Variants in GRK2 observed in about 807,000 individuals in gnomAD.
GRK2 encodes adrenergic beta receptor kinase 1.
In GRK2, 23 loss-of-function variants were observed where a neutral mutation model predicts 97.8. That is an observed-to-expected ratio of 0.24 (90% CI 0.17 to 0.33). GRK2 has a LOEUF of 0.33. GRK2 is among the 10% of genes least tolerant of loss of function. The pLI, the probability that GRK2 is intolerant of heterozygous loss-of-function variation, is 1.00. For synonymous variants in GRK2, 425 were observed against 381.7 expected (o/e 1.11, Z -1.32); for missense variants, 633 against 956.9 (o/e 0.66, Z 4.47).
chr11:67,270,718 C>T (rs755245375), intron 1 of GRK2, among the ~76,000 whole-genome samples: 2 of 152,226 alleles, frequency 1.3e-5, no homozygotes, highest in South Asian at 2.1e-4. Context: ...GAAGCACCGC[C>T]GTTCCCCAGG....
chr11:67,284,730 A>C lies in GRK2; in HGVS notation c.1655-117A>C. 5.2e-6 allele frequency: 7 copies of C among 1,350,978 alleles called. No individual in the cohort carries two copies. The South Asian group carries it at 1.0e-4, about 19-fold the overall frequency. 83.7% of individuals were successfully genotyped at this position (1,350,978 alleles called of 1,614,324 possible). On this transcript the variant is annotated intron_variant, in intron 18 of 20. Coordinates refer to ENST00000308595, the MANE Select transcript of GRK2 (RefSeq NM_001619.5). ...TTTGAACCTGGGAGGTGGAGGTTGC[A>C]GTGAGCCAAGATTGTGCCACAGCCC...
At chr11:67,284,176 C>T in intron 17 of GRK2, 35 bp from the exon 18 acceptor site, 1 of 1,611,474 alleles carries the variant, frequency 6.2e-7, no homozygotes, top group Non-Finnish European at 8.5e-7. Flanking sequence ...CATCTCTGTC[C>T]ACCCATGTGC....
chr11:67,279,633 C>G lies in GRK2; in HGVS notation c.374C>G (p.Ser125Trp), dbSNP rs765062789. 6.2e-7 allele frequency: 1 copy of G among 1,613,470 alleles called. No homozygotes were observed. Among genetic ancestry groups the G allele is most frequent in the Non-Finnish European group, 8.5e-7 (1 of 1,179,994 alleles). ...CACCTCTGTCTTCCCCAGCCCTTCT[C>G]GAAGAGTGCCACTGAGCATGTCCAA... ...KELLACSHPFSKSATEHVQGH... is the reference protein window; with the variant it reads ...KELLACSHPFWKSATEHVQGH... The change falls in exon 5 of 21, where the codon TCG becomes TGG. Residue 125 changes from serine (S) to tryptophan (W), a missense_variant. Physicochemically the swap from Ser to Trp is radical, Grantham distance 177. Transcript: ENST00000308595.
chr11:67,282,157 C>T lies in GRK2; in HGVS notation c.958-114C>T. On this transcript the variant is annotated intron_variant, in intron 11 of 20. Coordinates refer to ENST00000308595, the MANE Select transcript of GRK2 (RefSeq NM_001619.5). The surrounding 1 kb of genome is among the most constrained non-coding windows in gnomAD (Gnocchi z 6.9). The stretch of plus-strand genomic sequence containing the variant: ...CAGGAGAGAGGACCCCCACCTTTGC[C>T]CTTTCTTTGGGTACCCATCGTCCTC... 8.0e-7 allele frequency: 1 copy of T among 1,254,162 alleles called. No homozygotes were observed. Among genetic ancestry groups the T allele is most frequent in the Non-Finnish European group, 1.1e-6 (1 of 882,696 alleles). The allele number at this position is 1,254,162 out of a possible 1,614,324, so 77.7% of individuals were successfully genotyped here. A position where few individuals can be genotyped will look rare whatever the true frequency, so the allele number is the denominator to read the frequency against.
rs780679941 is a variant in GRK2, at chr11:67,281,885, A to G, written c.890A>G (p.Tyr297Cys). Residue 297 changes from tyrosine to cysteine, a missense_variant, in exon 11 of 21, where the codon TAT (tyrosine) becomes TGT (cysteine). This residue lies in a region of GRK2 where 192 missense variants were observed against 362.3 expected (regional missense o/e 0.53). Transcript: ENST00000308595. The surrounding 1 kb of genome is among the most constrained non-coding windows in gnomAD (Gnocchi z 5.7). ...TTCTCAGAGGCTGACATGCGCTTCTATGCGGCCGAGATCATCCTGGGCCTG... is the reference window on the plus strand; with the variant it reads ...TTCTCAGAGGCTGACATGCGCTTCTGTGCGGCCGAGATCATCCTGGGCCTG... ...GVFSEADMRF[Y>C]AAEIILGLEH... 4 of 1,613,500 alleles carry G rather than the reference A, an allele frequency of 2.5e-6. No homozygotes were observed. The highest frequency in any genetic ancestry group is 1.1e-5 in the South Asian group (1 of 91,072).
chr11:67,282,029 C>T lies in GRK2; in HGVS notation c.957+77C>T. On this transcript the variant is annotated intron_variant, in intron 11 of 20. Transcript: ENST00000308595. The surrounding 1 kb of genome is among the most constrained non-coding windows in gnomAD (Gnocchi z 6.9). Reference sequence around the variant, plus strand: ...CCTCTCGACATCCCGGCCACCAGGCCCAGAGGAGTGGGGCTCCTGGGACAT... The same window carrying T: ...CCTCTCGACATCCCGGCCACCAGGCTCAGAGGAGTGGGGCTCCTGGGACAT... The T allele has an allele frequency of 6.3e-7, 1 of 1,586,830 alleles. No homozygotes were observed. The highest frequency in any genetic ancestry group is 8.6e-7 in the Non-Finnish European group (1 of 1,161,768).
chr11:67,280,854 G>C (rs914247152), intron 7 of GRK2, 71 bp downstream of exon 7: 37 of 1,572,162 alleles, frequency 2.4e-5, no homozygotes, highest in Non-Finnish European at 3.0e-5. Context: ...TGGGCCTGTG[G>C]CTTGGCTGGG....
At chr11:67,275,071 G>A (rs959922200) in intron 1 of GRK2, among the ~76,000 whole-genome samples, 4 of 152,186 alleles carry the variant, frequency 2.6e-5, no homozygotes, top group African/African-American at 9.7e-5. Context: ...AAGAGGCCGC[G>A]GCCCCTCCCA....
chr11:67,284,187 C>T (rs768508461), intron 17 of GRK2, 24 bp from the exon 18 acceptor site: 2 of 1,613,312 alleles, frequency 1.2e-6, no homozygotes, highest in East Asian at 4.5e-5. Flanking sequence ...ACCCATGTGC[C>T]CCTGCCCCAT....
chr11:67,286,054 A>G lies in GRK2; in HGVS notation c.*604A>G. The stretch of plus-strand genomic sequence containing the variant: ...CCTGACACTGCGGGGCTTGGCTGAG[A>G]GAGTGGCATTGGCAGCAGGTGCTGC... On this transcript the variant is annotated 3_prime_UTR_variant, in exon 21 of 21. Coordinates refer to ENST00000308595, the MANE Select transcript of GRK2 (RefSeq NM_001619.5). 3.4e-6 allele frequency: 1 copy of G among 296,370 alleles called. No individual in the cohort carries two copies. Among genetic ancestry groups the G allele is most frequent in the Non-Finnish European group, 6.3e-6 (1 of 157,618 alleles). 18.4% of individuals were successfully genotyped at this position (296,370 alleles called of 1,614,324 possible). A position where few individuals can be genotyped will look rare whatever the true frequency, so the allele number is the denominator to read the frequency against.
Position 67,284,319 on chromosome 11 carries a change from G to A in GRK2, c.1600G>A (p.Asp534Asn). The change falls in exon 18 of 21, where the codon GAC becomes AAC. Residue 534 changes from aspartate (D) to asparagine (N), a missense_variant. This residue lies in a region of GRK2 where 180 missense variants were observed against 311.3 expected (regional missense o/e 0.58). Coordinates refer to ENST00000308595, the MANE Select transcript of GRK2 (RefSeq NM_001619.5). ...CTTCGACACCATCAACGCTGAGACA[G>A]ACCGGCTGGAGGCTCGCAAGAAAGC... is the stretch of plus-strand genomic sequence containing the variant. ...TVFDTINAETDRLEARKKAKN... is the reference protein window; with the variant it reads ...TVFDTINAETNRLEARKKAKN... 1 of 1,613,284 alleles carries A rather than the reference G, an allele frequency of 6.2e-7. No individual in the cohort carries two copies. The highest frequency in any genetic ancestry group is 1.1e-5 in the South Asian group (1 of 91,084).
In GRK2 at chr11:67,279,075, G is replaced by A. The variant is rs537748593; in HGVS notation, c.191-125G>A. 5 of 777,452 alleles carry A rather than the reference G, an allele frequency of 6.4e-6. No homozygotes were observed. The African/African-American group carries it at 6.8e-5, about 11-fold the overall frequency. The allele number at this position is 777,452 out of a possible 1,614,324, so 48.2% of individuals were successfully genotyped here. On this transcript the variant is annotated intron_variant, in intron 2 of 20. Coordinates refer to ENST00000308595, the MANE Select transcript of GRK2 (RefSeq NM_001619.5). ...GCTGCCTGGCCCACCCCTTGCCTGGGGCCGAGACCACCTTTGCCACCTCCA... is the reference window on the plus strand; with the variant it reads ...GCTGCCTGGCCCACCCCTTGCCTGGAGCCGAGACCACCTTTGCCACCTCCA...
At position 67,285,989 on chromosome 11, in the gene GRK2, G is replaced by T. The variant is rs1021410827; in HGVS notation, c.*539G>T. 3 of 252,910 alleles carry T rather than the reference G, an allele frequency of 1.2e-5. No homozygotes were observed. Among genetic ancestry groups the T allele is most frequent in the Non-Finnish European group, 2.3e-5 (3 of 129,998 alleles). 15.7% of individuals were successfully genotyped at this position (252,910 alleles called of 1,614,324 possible). Reference sequence around the variant, plus strand: ...CTCGGGCTCCTGTGCCCTTATTCAGGAAAAGCCTCTGTGTCACTGGCTGCC... The same window carrying T: ...CTCGGGCTCCTGTGCCCTTATTCAGTAAAAGCCTCTGTGTCACTGGCTGCC... On this transcript the variant is annotated 3_prime_UTR_variant, in exon 21 of 21. Transcript: ENST00000308595.
chr11:67,283,356 C>T (rs1053733516), intron 15 of GRK2, 128 bp downstream of exon 15: 3 of 808,578 alleles, frequency 3.7e-6, no homozygotes, highest in African/African-American at 3.4e-5. Context: ...TGGGGCATGG[C>T]CAGCCCTGTC....
intron 17 of GRK2, 122 bp downstream of exon 17, chr11:67,284,071 C>A: frequency 7.0e-7 from 1 of 1,425,616 alleles, no homozygotes; most frequent in South Asian, 1.3e-5. Flanking sequence ...GGCCTCAGTT[C>A]CTCCTTGGCC....
intron 18 of GRK2, chr11:67,284,616 C>G: frequency 1.4e-6 from 1 of 716,902 alleles, no homozygotes. Context: ...GAAACCCTGT[C>G]TCTACCAAAA....
rs978787586 is a variant in GRK2 at position 67,282,158 on chromosome 11, C to T, written c.958-113C>T. The T allele has an allele frequency of 7.9e-6, 10 of 1,269,810 alleles. No individual in the cohort carries two copies. In the African/African-American group the frequency reaches 1.3e-4, roughly 17 times the overall value. The allele number at this position is 1,269,810 out of a possible 1,614,324, so 78.7% of individuals were successfully genotyped here. A position where few individuals can be genotyped will look rare whatever the true frequency, so the allele number is the denominator to read the frequency against. The stretch of plus-strand genomic sequence containing the variant: ...AGGAGAGAGGACCCCCACCTTTGCC[C>T]TTTCTTTGGGTACCCATCGTCCTCT... On this transcript the variant is annotated intron_variant, in intron 11 of 20. Transcript: ENST00000308595. The surrounding 1 kb of genome is among the most constrained non-coding windows in gnomAD (Gnocchi z 6.9).
At position 67,282,114 on chromosome 11, in the gene GRK2, C is replaced by T; in HGVS notation, c.958-157C>T. The stretch of plus-strand genomic sequence containing the variant: ...CTTCCCACCGAGCCACTCTCTGGGT[C>T]CAGGTTGTAGCTGGGGACAGGAGAG... On this transcript the variant is annotated intron_variant, in intron 11 of 20. Coordinates refer to ENST00000308595, the MANE Select transcript of GRK2 (RefSeq NM_001619.5). The surrounding 1 kb of genome is among the most constrained non-coding windows in gnomAD (Gnocchi z 6.9). The T allele has an allele frequency of 8.0e-7, 1 of 1,245,506 alleles. No homozygotes were observed. The highest frequency in any genetic ancestry group is 2.4e-5 in the East Asian group (1 of 42,420). 77.2% of individuals were successfully genotyped at this position (1,245,506 alleles called of 1,614,324 possible).
Position 67,266,773 on chromosome 11 carries a change from CCG to C in GRK2, c.82_83del (p.Ala28GlnfsTer28). The C allele has an allele frequency of 7.3e-7, 1 of 1,366,788 alleles. No individual in the cohort carries two copies. The highest frequency in any genetic ancestry group is 9.6e-7 in the Non-Finnish European group (1 of 1,045,884). 84.7% of individuals were successfully genotyped at this position (1,366,788 alleles called of 1,614,324 possible). The stretch of plus-strand genomic sequence containing the variant: ...ATGGAGAAGAGCAAGGCCACGCCGG[CCG>C]CGCGCGCCAGCAAGAAGATCCTGCT... On this transcript the variant is annotated frameshift_variant, in exon 1 of 21. Coordinates refer to ENST00000308595, the MANE Select transcript of GRK2 (RefSeq NM_001619.5). LOFTEE classifies it high-confidence loss of function.
Sources: allele counts gnomAD v4.1 joint callset (sites outside exome capture counted in the v4.1 genomes callset), GRCh38; gene constraint gnomAD v4.1.1; regional missense constraint gnomAD v4.1.1; non-coding constraint Gnocchi (gnomAD v3.1); transcripts MANE v1.5; gene names NCBI Gene and HGNC (gene_info 2026-07-23, HGNC 2026-07-21).